CSTPP1: variants seen among roughly 807,000 people sequenced by gnomAD.
The protein encoded by CSTPP1 is UPF0705 protein C11orf49.
chr11:46,948,165 G>A, the CSTPP1 span: 15 of 456,164 alleles, frequency 3.3e-5, no homozygotes, highest in Non-Finnish European at 5.7e-5. Flanking sequence ...AAATTGACAC[G>A]TAAGTAGGCA....
the CSTPP1 span, among the ~76,000 whole-genome samples, chr11:46,999,633 T>G: frequency 6.6e-6 from 1 of 152,192 alleles, no homozygotes; most frequent in Non-Finnish European, 1.5e-5. Flanking sequence ...TTTAAATGTT[T>G]AATATGGCCT....
the CSTPP1 span, chr11:47,164,220 C>T: frequency 1.5e-5 from 25 of 1,613,658 alleles, no homozygotes; most frequent in Admixed American, 3.3e-5. Flanking sequence ...GGTACCGACG[C>T]CCTACCATTA....
At chr11:47,100,475 C>T in the CSTPP1 span, among the ~76,000 whole-genome samples, 1 of 152,170 alleles carries the variant, frequency 6.6e-6, no homozygotes, top group Non-Finnish European at 1.5e-5. Context: ...TTATGTCACA[C>T]ATAAGGGCAA....
At chr11:47,159,179 G>A in the CSTPP1 span, among the ~76,000 whole-genome samples, 8 of 152,198 alleles carry the variant, frequency 5.3e-5, no homozygotes, top group Non-Finnish European at 1.2e-4. Context: ...ACTGAAGTTG[G>A]TAGCCAAGGT....
chr11:47,101,202 G>T, the CSTPP1 span, among the ~76,000 whole-genome samples: 704 of 32,926 alleles, frequency 0.021, no homozygotes, highest in African/African-American at 0.062. Context: ...TTTATTTTTA[G>T]TAGAGATGGG....
the CSTPP1 span, among the ~76,000 whole-genome samples, chr11:47,060,258 C>CTTTTTTTTTTTTTTTTTTTTT: frequency 6.1e-5 from 6 of 99,018 alleles, no homozygotes; most frequent in African/African-American, 4.0e-5. Flanking sequence ...CTTTTCTTTT[C>CTTTTTTTTTTTTTTTTTTTTT]TTTTTTTTTT....
chr11:46,964,349 G>A, the CSTPP1 span, among the ~76,000 whole-genome samples: 4 of 151,000 alleles, frequency 2.6e-5, no homozygotes, highest in African/African-American at 9.8e-5. Context: ...GCAGTGACGC[G>A]ATTTCGGCTC....
chr11:47,038,974 C>T, the CSTPP1 span, among the ~76,000 whole-genome samples: 1 of 121,280 alleles, frequency 8.2e-6, no homozygotes, highest in Admixed American at 8.8e-5. Context: ...CCTCACTTCC[C>T]AGATGGGATG....
At chr11:47,127,842 C>T in the CSTPP1 span, among the ~76,000 whole-genome samples, 5 of 152,008 alleles carry the variant, frequency 3.3e-5, no homozygotes, top group Admixed American at 6.6e-5. Context: ...GATTTGGACC[C>T]AGATCGGCTG....
At chr11:47,143,561 G>C in the CSTPP1 span, among the ~76,000 whole-genome samples, 345 of 152,336 alleles carry the variant, frequency 2.3e-3, 1 homozygote, top group Non-Finnish European at 3.4e-3. Context: ...GCAGGTGTGA[G>C]CTGGAAAAAC....
At chr11:47,014,836 G>A in the CSTPP1 span, among the ~76,000 whole-genome samples, 17 of 151,912 alleles carry the variant, frequency 1.1e-4, no homozygotes, top group Non-Finnish European at 2.9e-5. Context: ...TTAAAAGTTA[G>A]GGGGGAAGGG....
At chr11:46,974,540 AAAG>A in the CSTPP1 span, among the ~76,000 whole-genome samples, 5 of 149,562 alleles carry the variant, frequency 3.3e-5, no homozygotes, top group African/African-American at 9.8e-5. Context: ...AAAAAAAAAA[AAAG>A]AAAGAAAAAG....
chr11:46,946,111 C>G, the CSTPP1 span, among the ~76,000 whole-genome samples: 151,053 of 152,386 alleles, frequency 0.99, 74,879 homozygotes, highest in East Asian at 1. Context: ...AAGTTCTAAG[C>G]CATGTTGTTC....
chr11:47,150,358 C>T, the CSTPP1 span, among the ~76,000 whole-genome samples: 4 of 152,174 alleles, frequency 2.6e-5, no homozygotes, highest in Admixed American at 1.3e-4. Flanking sequence ...GCTTCTCTCA[C>T]TCATTTGTTC....
chr11:47,157,727 T>A, the CSTPP1 span: 1 of 1,332,866 alleles, frequency 7.5e-7, no homozygotes, highest in South Asian at 1.3e-5. Context: ...GGCTTGGCTG[T>A]GGGTATCCTC....
the CSTPP1 span, among the ~76,000 whole-genome samples, chr11:47,013,088 TATA>T: frequency 1.2e-4 from 18 of 146,480 alleles, no homozygotes; most frequent in African/African-American, 3.8e-4. Context: ...ATAAATAACA[TATA>T]ATCATATATT....
At chr11:47,021,751 G>T in the CSTPP1 span, among the ~76,000 whole-genome samples, 1 of 152,266 alleles carries the variant, frequency 6.6e-6, no homozygotes, top group Admixed American at 6.5e-5. Context: ...AGATCTGGGG[G>T]GCTCTCAAGA....
the CSTPP1 span, chr11:47,041,806 C>G: frequency 2.2e-6 from 1 of 464,182 alleles, no homozygotes; most frequent in East Asian, 3.6e-5. Context: ...GATCAGAATA[C>G]TTTCATGCCC....
chr11:47,050,690 A>G, the CSTPP1 span, among the ~76,000 whole-genome samples: 1 of 152,184 alleles, frequency 6.6e-6, no homozygotes, highest in Non-Finnish European at 1.5e-5. Flanking sequence ...CAGTATTATC[A>G]TTTCAGACTT....
Sources: gnomAD v4.1 joint callset for allele counts (sites outside exome capture counted in the v4.1 genomes callset) on GRCh38, gnomAD v4.1.1 for gene constraint, MANE v1.5 for transcripts, NCBI Gene and HGNC (gene_info 2026-07-23, HGNC 2026-07-21) for gene names.